DNTTIP1: variants seen among roughly 807,000 people sequenced by gnomAD.
DNTTIP1 encodes deoxynucleotidyltransferase terminal interacting protein 1, also known as deoxynucleotidyltransferase terminal-interacting protein 1.
Under a neutral mutation model 52.9 loss-of-function variants are expected in DNTTIP1, and 22 were observed. That is an observed-to-expected ratio of 0.42 (90% confidence interval 0.30 to 0.59). The LOEUF is 0.59. Ranked by LOEUF, DNTTIP1 falls within the 20% of genes least tolerant of loss-of-function variation. The pLI, the probability that DNTTIP1 is intolerant of heterozygous loss-of-function variation, is 0.22. For missense variants in DNTTIP1, 286 were observed against 435.5 expected (o/e 0.66, Z 3.06); for synonymous variants, 136 against 155.1 (o/e 0.88, Z 0.92).
At chr20:45,800,275 C>T (rs567648214) in intron 4 of DNTTIP1, among the ~76,000 whole-genome samples, 15 of 152,014 alleles carry the variant, frequency 9.9e-5, no homozygotes, top group African/African-American at 3.6e-4. Context: ...AATGAGATTC[C>T]AGGTTTTTCT....
At chr20:45,796,409 T>G (rs965678304) in intron 4 of DNTTIP1, 5 of 456,100 alleles carry the variant, frequency 1.1e-5, no homozygotes, top group African/African-American at 2.0e-5. Flanking sequence ...AAGAAATGGC[T>G]TAAGACACAT....
chr20:45,798,946 A>G (rs112172774), intron 4 of DNTTIP1, among the ~76,000 whole-genome samples: 45 of 152,094 alleles, frequency 3.0e-4, no homozygotes, highest in African/African-American at 1.0e-3. Flanking sequence ...TTAAGCAGAC[A>G]GGTGTGAATT....
chr20:45,795,050 G>A (rs907423277), intron 3 of DNTTIP1, among the ~76,000 whole-genome samples: 6 of 151,982 alleles, frequency 3.9e-5, no homozygotes, highest in African/African-American at 1.4e-4. Flanking sequence ...CGCCCACCTC[G>A]GCCTCGCAAA....
intron 4 of DNTTIP1, among the ~76,000 whole-genome samples, 200 bp from the exon 5 acceptor site, chr20:45,800,874 G>A (rs1367807071): frequency 1.4e-5 from 2 of 147,230 alleles, no homozygotes; most frequent in Admixed American, 1.4e-4. Context: ...CACCCCTGTA[G>A]TCCCAGCTAC....
In DNTTIP1 at chr20:45,791,964, C is replaced by T. The variant is rs74766806; in HGVS notation, c.-41C>T. ...TGACGTCACGGCGCCACTTTCCGGCCGGTGACAGAGTCCAGCGGAGTTGTG... is the reference window on the plus strand; with the variant it reads ...TGACGTCACGGCGCCACTTTCCGGCTGGTGACAGAGTCCAGCGGAGTTGTG... On this transcript the variant is annotated 5_prime_UTR_variant, in exon 1 of 13. Transcript: ENST00000372622. 345 of 1,199,740 alleles carry T rather than the reference C, an allele frequency of 2.9e-4. No individual in the cohort carries two copies. In the African/African-American group the frequency reaches 4.8e-3, roughly 17 times the overall value. The allele number at this position is 1,199,740 out of a possible 1,614,324, so 74.3% of individuals were successfully genotyped here.
At chr20:45,800,665 A>G (rs1981398240) in intron 4 of DNTTIP1, among the ~76,000 whole-genome samples, 1 of 106,874 alleles carries the variant, frequency 9.4e-6, no homozygotes, top group Non-Finnish European at 1.9e-5. Flanking sequence ...CAAGAGTGAA[A>G]CTCCATCTCA....
At chr20:45,805,030 C>T (rs1363870202) in intron 8 of DNTTIP1, 116 bp from the exon 9 acceptor site, 5 of 910,012 alleles carry the variant, frequency 5.5e-6, no homozygotes, top group Non-Finnish European at 9.1e-6. Context: ...CTTGGGTCAA[C>T]TGTTGATTAA....
chr20:45,797,488 A>C (rs1172792395), intron 4 of DNTTIP1, among the ~76,000 whole-genome samples: 1 of 152,218 alleles, frequency 6.6e-6, no homozygotes, highest in East Asian at 1.9e-4. Flanking sequence ...AATGGGATCT[A>C]ATTAAACTAA....
chr20:45,800,722 T>C (rs867054330), intron 4 of DNTTIP1, among the ~76,000 whole-genome samples: 1 of 10,478 alleles, frequency 9.5e-5, no homozygotes, highest in Non-Finnish European at 3.5e-4. Context: ...TATATATATA[T>C]ATATATATAT....
intron 11 of DNTTIP1, 139 bp from the exon 12 acceptor site, chr20:45,810,746 C>G (rs1981805400): frequency 1.4e-6 from 1 of 717,552 alleles, no homozygotes; most frequent in Non-Finnish European, 2.4e-6. Context: ...CCCACTTACT[C>G]TTCCGTACTA....
intron 2 of DNTTIP1, among the ~76,000 whole-genome samples, chr20:45,793,352 C>G (rs1435225476): frequency 6.7e-6 from 1 of 148,388 alleles, no homozygotes; most frequent in Non-Finnish European, 1.5e-5. Flanking sequence ...CACCTGAGGT[C>G]GGGACTTCCA....
intron 4 of DNTTIP1, among the ~76,000 whole-genome samples, chr20:45,797,810 A>T (rs1182646467): frequency 6.6e-6 from 1 of 152,248 alleles, no homozygotes; most frequent in Non-Finnish European, 1.5e-5. Flanking sequence ...TAGAATGGTG[A>T]TCATTAAAAA....
intron 10 of DNTTIP1, among the ~76,000 whole-genome samples, chr20:45,808,274 G>A (rs1251432273): frequency 6.6e-6 from 1 of 152,164 alleles, no homozygotes; most frequent in East Asian, 1.9e-4. Context: ...AACCCAGGAG[G>A]TGGAGGTTGC....
rs1209116175 is a variant in DNTTIP1 at position 45,801,066 on chromosome 20, C to T, written c.373-8C>T. The T allele has an allele frequency of 1.2e-6, 2 of 1,612,924 alleles. No individual in the cohort carries two copies. Among genetic ancestry groups the T allele is most frequent in the Non-Finnish European group, 1.7e-6 (2 of 1,179,542 alleles). On this transcript the variant is annotated splice_polypyrimidine_tract_variant and splice_region_variant and intron_variant, in intron 4 of 12. Coordinates refer to ENST00000372622, the MANE Select transcript of DNTTIP1 (RefSeq NM_052951.3). ...GTGACTGGTAACACTTGGTCTTTTT[C>T]CCTTCAGGCTAAACTGCTCTTTTCA...
intron 10 of DNTTIP1, among the ~76,000 whole-genome samples, chr20:45,808,540 T>TGAGGCAGGAGAATCGCTTG (rs1262169660): frequency 1.2e-4 from 19 of 152,094 alleles, no homozygotes; most frequent in Admixed American, 3.9e-4. Flanking sequence ...CTTGGGAGGC[T>TGAGGCAGGAGAATCGCTTG]GAGGCAGGAG....
At chr20:45,802,940 C>T (rs931941883) in intron 7 of DNTTIP1, 2 of 162,830 alleles carry the variant, frequency 1.2e-5, no homozygotes, top group Non-Finnish European at 2.7e-5. Context: ...GGTTCAGGGG[C>T]GTGGGGTTAG....
Position 45,811,201 on chromosome 20 carries a change from G to A in DNTTIP1, c.*6G>A. On this transcript the variant is annotated 3_prime_UTR_variant, in exon 13 of 13. Transcript: ENST00000372622. ...AAGCACCTCCACAGACCTGAGGCCGGGTCCCCTGGCCACACTTGGCAGCCC... is the reference window on the plus strand; with the variant it reads ...AAGCACCTCCACAGACCTGAGGCCGAGTCCCCTGGCCACACTTGGCAGCCC... 6.3e-7 allele frequency: 1 copy of A among 1,598,962 alleles called. No homozygotes were observed. Among genetic ancestry groups the A allele is most frequent in the Admixed American group, 1.7e-5 (1 of 57,508 alleles).
Position 45,792,046 on chromosome 20 carries a change from C to T in DNTTIP1, c.42C>T (p.Ser14=), listed in dbSNP as rs377446686. ...ACGCCGAGCAGCCGCGGGGACCTAG[C>T]GGGGCCGAGAGGGGCGGCTTGGAGC... ...TGDAEQPRGP[S]GAERGGLELG... Residue 14 remains serine, a synonymous_variant, in exon 1 of 13, where the codon AGC becomes AGT. Coordinates refer to ENST00000372622, the MANE Select transcript of DNTTIP1 (RefSeq NM_052951.3). The T allele has an allele frequency of 1.1e-5, 14 of 1,280,876 alleles. No individual in the cohort carries two copies. Among genetic ancestry groups the T allele is most frequent in the Non-Finnish European group, 1.3e-5 (13 of 1,012,772 alleles). 79.3% of individuals were successfully genotyped at this position (1,280,876 alleles called of 1,614,324 possible).
Position 45,811,310 on chromosome 20 carries a change from T to C in DNTTIP1, c.*115T>C. 7.8e-7 allele frequency: 1 copy of C among 1,285,980 alleles called. No individual in the cohort carries two copies. The allele number at this position is 1,285,980 out of a possible 1,614,324, so 79.7% of individuals were successfully genotyped here. On this transcript the variant is annotated 3_prime_UTR_variant, in exon 13 of 13. Coordinates refer to ENST00000372622, the MANE Select transcript of DNTTIP1 (RefSeq NM_052951.3). ...GATCTCAGCGGCATTAAGCTGTGCC[T>C]GAGCGAGTTTGTAGTGACTCACTGC...
Sources: gnomAD v4.1 joint callset for allele counts (sites outside exome capture counted in the v4.1 genomes callset) on GRCh38, gnomAD v4.1.1 for gene constraint, MANE v1.5 for transcripts, NCBI Gene and HGNC (gene_info 2026-07-23, HGNC 2026-07-21) for gene names.